The following DENND4B variants were observed in gnomAD, a reference collection of about 807,000 sequenced individuals.
DENND4B encodes the protein DENN domain-containing protein 4B.
In DENND4B, 67 loss-of-function variants were observed where a neutral mutation model predicts 161.0. The ratio of observed to expected loss-of-function variants is 0.42; its 90% confidence interval spans 0.34 to 0.51. The LOEUF is 0.51. Ranked by LOEUF, DENND4B falls within the 20% of genes least tolerant of loss-of-function variation. DENND4B has a pLI of 0.08. For missense variants in DENND4B, 1,481 were observed against 1,968.0 expected (o/e 0.75, Z 4.68); for synonymous variants, 753 against 813.8 (o/e 0.93, Z 1.27).
At position 153,941,059 on chromosome 1, in the gene DENND4B, T is replaced by C; in HGVS notation, c.1182-11A>G. Reference sequence around the variant, plus strand: ...AGGAAGCTGGCACCACTGCAGGCAATGCCGAGGTGGGGAAAGGGTCACCAG... The same window carrying C: ...AGGAAGCTGGCACCACTGCAGGCAACGCCGAGGTGGGGAAAGGGTCACCAG... On this transcript the variant is annotated splice_polypyrimidine_tract_variant and intron_variant, in intron 8 of 27. Coordinates refer to ENST00000361217, the MANE Select transcript of DENND4B (RefSeq NM_014856.3). 1 of 1,552,720 alleles carries C rather than the reference T, an allele frequency of 6.4e-7. No homozygotes were observed. The highest frequency in any genetic ancestry group is 8.7e-7 in the Non-Finnish European group (1 of 1,149,808).
At position 153,930,864 on chromosome 1, in the gene DENND4B, G is replaced by A. The variant is rs1313760829; in HGVS notation, c.4115-7C>T. On this transcript the variant is annotated splice_region_variant and splice_polypyrimidine_tract_variant and intron_variant, in intron 25 of 27. Coordinates refer to ENST00000361217, the MANE Select transcript of DENND4B (RefSeq NM_014856.3). This position sits in a 1 kb window ranked among gnomAD's most constrained non-coding sequence, Gnocchi z 4.7. ...ACCCGCTGGGGGATCTGGCCTGGAT[G>A]AAAGGAAAGAAGGCCACCAGAATCA... The A allele has an allele frequency of 1.3e-6, 2 of 1,595,208 alleles. No homozygotes were observed. Among genetic ancestry groups the A allele is most frequent in the Admixed American group, 1.8e-5 (1 of 56,714 alleles).
chr1:153,942,155 C>T lies in DENND4B; in HGVS notation c.810+32G>A. The T allele has an allele frequency of 3.7e-6, 6 of 1,613,948 alleles. No individual in the cohort carries two copies. Among genetic ancestry groups the T allele is most frequent in the Non-Finnish European group, 4.2e-6 (5 of 1,179,876 alleles). ...GGGTAGTCAGGCAGGCCCTGCATAG[C>T]CTGGACCCCTTGCCACACTCCACAC... is the stretch of plus-strand genomic sequence containing the variant. On this transcript the variant is annotated intron_variant, in intron 5 of 27. Transcript: ENST00000361217. The surrounding 1 kb of genome is among the most constrained non-coding windows in gnomAD (Gnocchi z 6.9).
intron 2 of DENND4B, 21 bp from the exon 3 acceptor site, chr1:153,943,151 T>C: frequency 6.2e-7 from 1 of 1,601,638 alleles, no homozygotes; most frequent in Non-Finnish European, 8.5e-7. Flanking sequence ...AGAGCAAAGA[T>C]AGATGTTGAG....
In DENND4B at chr1:153,930,176, T is replaced by C; in HGVS notation, c.*121A>G. The C allele has an allele frequency of 7.5e-7, 1 of 1,327,288 alleles. No homozygotes were observed. Among genetic ancestry groups the C allele is most frequent in the Non-Finnish European group, 1.0e-6 (1 of 991,712 alleles). The allele number at this position is 1,327,288 out of a possible 1,614,324, so 82.2% of individuals were successfully genotyped here. A position where few individuals can be genotyped will look rare whatever the true frequency, so the allele number is the denominator to read the frequency against. On this transcript the variant is annotated 3_prime_UTR_variant, in exon 28 of 28. Transcript: ENST00000361217. This position sits in a 1 kb window ranked among gnomAD's most constrained non-coding sequence, Gnocchi z 4.7. Reference sequence around the variant, plus strand: ...TCCTGTTGTCCTCGCTTGGAGCCTTTGACTGGGCATCCTTCCCAGCCTGTT... The same window carrying C: ...TCCTGTTGTCCTCGCTTGGAGCCTTCGACTGGGCATCCTTCCCAGCCTGTT...
At position 153,940,430 on chromosome 1, in the gene DENND4B, CTGGAAGAGCG is replaced by C; in HGVS notation, c.1493_1502del (p.Thr498ArgfsTer25). 1 of 1,611,734 alleles carries C rather than the reference CTGGAAGAGCG, an allele frequency of 6.2e-7. No individual in the cohort carries two copies. The highest frequency in any genetic ancestry group is 8.5e-7 in the Non-Finnish European group (1 of 1,178,868). On this transcript the variant is annotated frameshift_variant and splice_region_variant, in exon 10 of 28. Transcript: ENST00000361217. LOFTEE classifies it high-confidence loss of function. The surrounding 1 kb of genome is among the most constrained non-coding windows in gnomAD (Gnocchi z 5.6). ...CCCCCAAATGAGACCCAGCCTCTTA[CTGGAAGAGCG>C]TGTTGGTATCAAGGTCTACACAGAT...
In DENND4B at chr1:153,932,058, C is replaced by A; in HGVS notation, c.3996+146G>T. On this transcript the variant is annotated intron_variant, in intron 24 of 27. Transcript: ENST00000361217. This position sits in a 1 kb window ranked among gnomAD's most constrained non-coding sequence, Gnocchi z 5.8. ...CTGACCTCAGGTGATTCGCCCACCT[C>A]GGCCTCCCAAAGTGCTGGGATTACA... 1 of 718,624 alleles carries A rather than the reference C, an allele frequency of 1.4e-6. No homozygotes were observed. Among genetic ancestry groups the A allele is most frequent in the African/African-American group, 1.8e-5 (1 of 55,432 alleles). The allele number at this position is 718,624 out of a possible 1,614,324, so 44.5% of individuals were successfully genotyped here.
rs55874907 is a variant in DENND4B, at chr1:153,930,653, C to T, written c.4280+39G>A. On this transcript the variant is annotated intron_variant, in intron 26 of 27. Coordinates refer to ENST00000361217, the MANE Select transcript of DENND4B (RefSeq NM_014856.3). The surrounding 1 kb of genome is among the most constrained non-coding windows in gnomAD (Gnocchi z 4.7). ...AGTGAGAGAAAAGGGGTGTGGAGCC[C>T]CGGACAGACCAGGGATCACCCAGAT... The T allele has an allele frequency of 0.037, 60,075 of 1,613,468 alleles. 1,263 individuals carry two copies. Among genetic ancestry groups the T allele is most frequent in the Non-Finnish European group, 0.045 (52,996 of 1,179,626 alleles).
At chr1:153,939,973 A>G (rs1050939471) in intron 11 of DENND4B, 169 bp from the exon 12 acceptor site, 3 of 817,672 alleles carry the variant, frequency 3.7e-6, no homozygotes, top group Non-Finnish European at 5.7e-6. Flanking sequence ...CCACATGTTC[A>G]GGAATACTGT....
chr1:153,931,421 T>C (rs1325179030), intron 24 of DENND4B, among the ~76,000 whole-genome samples: 1 of 152,006 alleles, frequency 6.6e-6, no homozygotes, highest in African/African-American at 2.4e-5. Flanking sequence ...GATGACCAAA[T>C]TGAGGCTCAG....
In DENND4B at chr1:153,941,052, C is replaced by T. The variant is rs1198112500; in HGVS notation, c.1182-4G>A. On this transcript the variant is annotated splice_region_variant and splice_polypyrimidine_tract_variant and intron_variant, in intron 8 of 27. Transcript: ENST00000361217. ...CAGCTGCAGGAAGCTGGCACCACTGCAGGCAATGCCGAGGTGGGGAAAGGG... is the reference window on the plus strand; with the variant it reads ...CAGCTGCAGGAAGCTGGCACCACTGTAGGCAATGCCGAGGTGGGGAAAGGG... 106 of 1,552,944 alleles carry T rather than the reference C, an allele frequency of 6.8e-5. No homozygotes were observed. In the East Asian group the frequency reaches 1.1e-3, roughly 16 times the overall value.
At position 153,936,489 on chromosome 1, in the gene DENND4B, C is replaced by T. The variant is rs1400019218; in HGVS notation, c.2439+53G>A. ...GTTTCCCTCTCACAGCCCTCTCCAG[C>T]TGCACAAGGCTCACTGGGCCTGGGT... On this transcript the variant is annotated intron_variant, in intron 16 of 27. Transcript: ENST00000361217. This position sits in a 1 kb window ranked among gnomAD's most constrained non-coding sequence, Gnocchi z 4.1. 1 of 1,486,980 alleles carries T rather than the reference C, an allele frequency of 6.7e-7. No individual in the cohort carries two copies. Among genetic ancestry groups the T allele is most frequent in the East Asian group, 2.4e-5 (1 of 40,954 alleles). The allele number at this position is 1,486,980 out of a possible 1,614,324, so 92.1% of individuals were successfully genotyped here.
chr1:153,942,824 C>T lies in DENND4B; in HGVS notation c.570+54G>A, dbSNP rs1679752045. 1 of 1,551,900 alleles carries T rather than the reference C, an allele frequency of 6.4e-7. No individual in the cohort carries two copies. The highest frequency in any genetic ancestry group is 1.2e-5 in the South Asian group (1 of 80,590). ...CTGGGATGCCCTTTGTTCCCAGTGT[C>T]CACACCCACTCTTACACCAAGAGGA... On this transcript the variant is annotated intron_variant, in intron 3 of 27. Transcript: ENST00000361217. The surrounding 1 kb of genome is among the most constrained non-coding windows in gnomAD (Gnocchi z 6.9).
At position 153,946,339 on chromosome 1, in the gene DENND4B, T is replaced by C. The variant is rs887346671; in HGVS notation, c.-62A>G. 2.7e-6 allele frequency: 1 copy of C among 368,130 alleles called. No homozygotes were observed. The highest frequency in any genetic ancestry group is 4.8e-6 in the Non-Finnish European group (1 of 206,714). 22.8% of individuals were successfully genotyped at this position (368,130 alleles called of 1,614,324 possible). ...CCCGGCCGGCCGGCCCGCTGGCGGG[T>C]GGCTCGGAGGGCGAGCTGGCGGGCC... is the stretch of plus-strand genomic sequence containing the variant. On this transcript the variant is annotated 5_prime_UTR_variant, in exon 1 of 28. Coordinates refer to ENST00000361217, the MANE Select transcript of DENND4B (RefSeq NM_014856.3). This position sits in a 1 kb window ranked among gnomAD's most constrained non-coding sequence, Gnocchi z 6.3.
Position 153,936,829 on chromosome 1 carries a change from G to A in DENND4B, c.2233-81C>T, listed in dbSNP as rs1428739362. The A allele has an allele frequency of 5.3e-6, 7 of 1,332,460 alleles. No homozygotes were observed. The highest frequency in any genetic ancestry group is 3.3e-5 in the South Asian group (2 of 60,142). 82.5% of individuals were successfully genotyped at this position (1,332,460 alleles called of 1,614,324 possible). On this transcript the variant is annotated intron_variant, in intron 15 of 27. Coordinates refer to ENST00000361217, the MANE Select transcript of DENND4B (RefSeq NM_014856.3). This position sits in a 1 kb window ranked among gnomAD's most constrained non-coding sequence, Gnocchi z 4.1. ...ATCTATTTATTTATTTATTTATGAC[G>A]GTCTCGCTCTGTCACCCAGGCTGGA...
At position 153,933,697 on chromosome 1, in the gene DENND4B, C is replaced by T. The variant is rs757458118; in HGVS notation, c.3116G>A (p.Arg1039Gln). Residue 1039 changes from arginine (R) to glutamine (Q), a missense_variant, in exon 20 of 28, where the codon CGG becomes CAG. Physicochemically the swap from Arg to Gln is conservative, Grantham distance 43. This residue lies in a region of DENND4B where 339 missense variants were observed against 330.3 expected (regional missense o/e 1.03). Transcript: ENST00000361217. The surrounding 1 kb of genome is among the most constrained non-coding windows in gnomAD (Gnocchi z 5.7). ...CTGTCGCCCACCAGCCTTGGGTCCC[C>T]GCCCACTTAGCCCTTCCAGGGCCTC... The part of the protein sequence containing the change: ...STEALEGLSG[R>Q]GPKAGGRQDE... 57 of 1,577,428 alleles carry T rather than the reference C, an allele frequency of 3.6e-5. No individual in the cohort carries two copies. The highest frequency in any genetic ancestry group is 3.4e-4 in the Middle Eastern group (2 of 5,952).
At position 153,933,774 on chromosome 1, in the gene DENND4B, G is replaced by A. The variant is rs754219949; in HGVS notation, c.3039C>T (p.Leu1013=). 12 of 1,610,162 alleles carry A rather than the reference G, an allele frequency of 7.5e-6. No individual in the cohort carries two copies. The South Asian group carries it at 1.1e-4, about 15-fold the overall frequency. ...CTGAGCCCCCTGGGCTGCCTCCAGG[G>A]AGCGGCTCCTCCCCTGTCAGGCTCA... The part of the protein sequence containing the change: ...SDLSLTGEEP[L]PGGSPGGSGS... The change falls in exon 20 of 28, where the codon CTC becomes CTT. Residue 1013 remains leucine (L), a synonymous_variant. Transcript: ENST00000361217. The surrounding 1 kb of genome is among the most constrained non-coding windows in gnomAD (Gnocchi z 5.7).
rs1381074835 is a variant in DENND4B at position 153,937,780 on chromosome 1, G to A, written c.2049C>T (p.Ile683=). The change falls in exon 14 of 28, where the codon ATC becomes ATT. Residue 683 remains isoleucine, a synonymous_variant. Transcript: ENST00000361217. This position sits in a 1 kb window ranked among gnomAD's most constrained non-coding sequence, Gnocchi z 4.7. ...GTAAGGCAGGCTCCTCGGGAGGTGT[G>A]ATAAAGACAGTGAGCTCACTTCCTG... ...ELSGSELTVF[I]TPPEEPALPE... is the part of the protein sequence containing the mutation. 9.9e-6 allele frequency: 16 copies of A among 1,614,026 alleles called. No homozygotes were observed. In the Middle Eastern group the frequency reaches 1.2e-3, roughly 116 times the overall value.
rs777691803 is a variant in DENND4B, at chr1:153,944,068, C to T, written c.307G>A (p.Val103Ile). The change falls in exon 2 of 28, where the codon GTT (valine) becomes ATT (isoleucine). Residue 103 changes from valine to isoleucine, a missense_variant. Physicochemically the swap from Val to Ile is conservative, Grantham distance 29. This residue lies in a region of DENND4B where 806 missense variants were observed against 1,134.4 expected (regional missense o/e 0.71). Coordinates refer to ENST00000361217, the MANE Select transcript of DENND4B (RefSeq NM_014856.3). This position sits in a 1 kb window ranked among gnomAD's most constrained non-coding sequence, Gnocchi z 4.8. The part of the protein sequence containing the change: ...YRRGRDKPPL[V>I]ELGVLYEGKE... Reference sequence around the variant, plus strand: ...GGTAGGGGCACACACCCCAGCTCAACGAGGGGGGGCTTGTCACGGCCCCTG... The same window carrying T: ...GGTAGGGGCACACACCCCAGCTCAATGAGGGGGGGCTTGTCACGGCCCCTG... The T allele has an allele frequency of 3.0e-5, 47 of 1,567,700 alleles. No individual in the cohort carries two copies. The highest frequency in any genetic ancestry group is 4.1e-5 in the African/African-American group (3 of 73,918).
chr1:153,934,611 T>G lies in DENND4B; in HGVS notation c.2773+149A>C. 1 of 1,381,706 alleles carries G rather than the reference T, an allele frequency of 7.2e-7. No homozygotes were observed. The highest frequency in any genetic ancestry group is 9.6e-7 in the Non-Finnish European group (1 of 1,038,306). 85.6% of individuals were successfully genotyped at this position (1,381,706 alleles called of 1,614,324 possible). A position where few individuals can be genotyped will look rare whatever the true frequency, so the allele number is the denominator to read the frequency against. On this transcript the variant is annotated intron_variant, in intron 18 of 27. Coordinates refer to ENST00000361217, the MANE Select transcript of DENND4B (RefSeq NM_014856.3). The surrounding 1 kb of genome is among the most constrained non-coding windows in gnomAD (Gnocchi z 5.3). ...TGCGCGCCACCACGCCCAGCTAATT[T>G]TTTTATCCCTTTTGTTACCAGTCAA...
Sources: gnomAD v4.1 joint callset for allele counts (sites outside exome capture counted in the v4.1 genomes callset) on GRCh38, gnomAD v4.1.1 for gene constraint, gnomAD v4.1.1 regional missense constraint, Gnocchi (gnomAD v3.1) non-coding constraint, MANE v1.5 for transcripts, NCBI Gene and HGNC (gene_info 2026-07-23, HGNC 2026-07-21) for gene names.